KCTD8: variants seen among roughly 807,000 people sequenced by gnomAD.
KCTD8 encodes the protein potassium channel tetramerization domain containing 8.
In KCTD8, 27 loss-of-function variants were observed where a neutral mutation model predicts 31.5. The observed-to-expected ratio is 0.86, with a 90% CI of 0.63 to 1.18. The LOEUF (loss-of-function observed/expected upper bound fraction) is 1.18, where lower values mean the gene tolerates loss of function less well. Among genes scored for constraint, KCTD8 ranks in the 50% most tolerant of loss-of-function variants. The pLI is 0.00. For synonymous variants in KCTD8, 290 were observed against 280.0 expected (o/e 1.04, Z -0.36); for missense variants, 658 against 647.7 (o/e 1.02, Z -0.17).
rs113197675 is a variant in KCTD8, at chr4:44,295,441, C to T, written c.962-120191G>A. Reference sequence around the variant, plus strand: ...CTAAGACCCAAGAGAGCCCCTTTTTCAGGCTCTTTTATCTTGTCCTTATTT... The same window carrying T: ...CTAAGACCCAAGAGAGCCCCTTTTTTAGGCTCTTTTATCTTGTCCTTATTT... On this transcript the variant is annotated intron_variant, in intron 1 of 1. Transcript: ENST00000360029. Among the ~76,000 whole-genome samples the T allele has an allele frequency of 7.8e-3, 1,190 of 152,204 alleles. 15 individuals are homozygous for T. Among genetic ancestry groups the T allele is most frequent in the African/African-American group, 0.027 (1,109 of 41,516 alleles).
At chr4:44,215,645 T>G (rs1714626260) in intron 1 of KCTD8, among the ~76,000 whole-genome samples, 1 of 152,200 alleles carries the variant, frequency 6.6e-6, no homozygotes, top group Admixed American at 6.5e-5. Flanking sequence ...GAATTGATCA[T>G]GACTTTTAGC....
intron 1 of KCTD8, among the ~76,000 whole-genome samples, chr4:44,420,138 A>G (rs1342863437): frequency 1.3e-5 from 2 of 152,002 alleles, no homozygotes; most frequent in Non-Finnish European, 2.9e-5. Flanking sequence ...TAACAGATAA[A>G]TCATAAGAAA....
chr4:44,176,385 C>G (rs1713215304), intron 1 of KCTD8, among the ~76,000 whole-genome samples: 2 of 152,126 alleles, frequency 1.3e-5, no homozygotes, highest in Admixed American at 1.3e-4. Context: ...CCCAGACCTC[C>G]TGATTTAATG....
intron 1 of KCTD8, among the ~76,000 whole-genome samples, chr4:44,217,363 G>T (rs1255880383): frequency 6.6e-6 from 1 of 152,172 alleles, no homozygotes; most frequent in South Asian, 2.1e-4. Context: ...TGTGGAGACT[G>T]TCAAAGTGGT....
At chr4:44,422,175 C>G (rs1309258173) in intron 1 of KCTD8, among the ~76,000 whole-genome samples, 1 of 152,048 alleles carries the variant, frequency 6.6e-6, no homozygotes, top group African/African-American at 2.4e-5. Flanking sequence ...GGTTGCTTCT[C>G]AGACCCCTCT....
intron 1 of KCTD8, among the ~76,000 whole-genome samples, chr4:44,343,558 A>T (rs1266223889): frequency 6.6e-6 from 1 of 152,206 alleles, no homozygotes; most frequent in African/African-American, 2.4e-5. Flanking sequence ...TGGCTTGCTC[A>T]ACACAGGGTT....
rs1716033068 is a variant in KCTD8, at chr4:44,257,861, A to G, written c.962-82611T>C. Among the ~76,000 whole-genome samples the G allele has an allele frequency of 4.6e-5, 7 of 152,116 alleles. No homozygotes were observed. In the South Asian group the frequency reaches 1.2e-3, roughly 27 times the overall value. ...GCCCACTGTCAGGGCACAAGTCTTCATCCGTTGACTTGAATTCCCATTTTA... is the reference window on the plus strand; with the variant it reads ...GCCCACTGTCAGGGCACAAGTCTTCGTCCGTTGACTTGAATTCCCATTTTA... On this transcript the variant is annotated intron_variant, in intron 1 of 1. Transcript: ENST00000360029.
At position 44,380,724 on chromosome 4, in the gene KCTD8, T is replaced by C. The variant is rs532213396; in HGVS notation, c.961+66839A>G. On this transcript the variant is annotated intron_variant, in intron 1 of 1. Transcript: ENST00000360029. ...GTGAATAAAGAAAATATTTAGGGTG[T>C]ACATCAATTTGCTCTATCATGTTAT... is the stretch of plus-strand genomic sequence containing the variant. Among the ~76,000 whole-genome samples, 19 of 152,108 alleles carry C rather than the reference T, an allele frequency of 1.2e-4. No homozygotes were observed. The South Asian group carries it at 3.5e-3, about 28-fold the overall frequency.
chr4:44,309,952 A>G (rs1445101704), intron 1 of KCTD8, among the ~76,000 whole-genome samples: 1 of 152,116 alleles, frequency 6.6e-6, no homozygotes, highest in Non-Finnish European at 1.5e-5. Flanking sequence ...TTTGAAGGTA[A>G]TGTCGTCATA....
chr4:44,185,619 T>C (rs1713562624), intron 1 of KCTD8, among the ~76,000 whole-genome samples: 1 of 152,188 alleles, frequency 6.6e-6, no homozygotes, highest in Admixed American at 6.5e-5. Flanking sequence ...AATGCTGGCT[T>C]TTCTCTGGAC....
chr4:44,446,753 TTC>T (rs1313813673), intron 1 of KCTD8, among the ~76,000 whole-genome samples: 2 of 151,860 alleles, frequency 1.3e-5, no homozygotes, highest in Admixed American at 6.6e-5. Context: ...AACACAATCA[TTC>T]TCTCTTTCTC....
At chr4:44,338,047 A>G (rs1184040777) in intron 1 of KCTD8, among the ~76,000 whole-genome samples, 2 of 152,098 alleles carry the variant, frequency 1.3e-5, no homozygotes, top group African/African-American at 4.8e-5. Context: ...TTAATGAGAA[A>G]AAAATACATT....
intron 1 of KCTD8, among the ~76,000 whole-genome samples, chr4:44,187,525 C>A (rs1577818258): frequency 6.6e-6 from 1 of 152,224 alleles, no homozygotes; most frequent in African/African-American, 2.4e-5. Flanking sequence ...ATCTACCATT[C>A]TTTATCACTG....
chr4:44,446,138 T>G (rs1398602360), intron 1 of KCTD8, among the ~76,000 whole-genome samples: 11 of 152,200 alleles, frequency 7.2e-5, no homozygotes. Context: ...ACCTGTGTGC[T>G]GTGGTTTGTC....
chr4:44,203,828 A>T, intron 1 of KCTD8, among the ~76,000 whole-genome samples: 1 of 151,686 alleles, frequency 6.6e-6, no homozygotes, highest in South Asian at 2.1e-4. Flanking sequence ...AATAAATTTC[A>T]AATTAATAAT....
chr4:44,315,202 A>C (rs954185047), intron 1 of KCTD8, among the ~76,000 whole-genome samples: 1 of 151,934 alleles, frequency 6.6e-6, no homozygotes, highest in Non-Finnish European at 1.5e-5. Context: ...CTTTTTTTAA[A>C]GCTAGCACTT....
At chr4:44,380,288 T>A (rs1440709627) in intron 1 of KCTD8, among the ~76,000 whole-genome samples, 1 of 151,882 alleles carries the variant, frequency 6.6e-6, no homozygotes, top group East Asian at 1.9e-4. Flanking sequence ...AGATTCTACT[T>A]TCAGGTCACT....
intron 1 of KCTD8, among the ~76,000 whole-genome samples, chr4:44,316,172 C>T (rs1430228313): frequency 1.3e-5 from 2 of 151,830 alleles, no homozygotes; most frequent in African/African-American, 2.4e-5. Context: ...TTACTTATTG[C>T]TATTTTTTGA....
chr4:44,394,816 C>A (rs1323202906), intron 1 of KCTD8, among the ~76,000 whole-genome samples: 1 of 152,044 alleles, frequency 6.6e-6, no homozygotes, highest in Non-Finnish European at 1.5e-5. Flanking sequence ...CATGAATTTA[C>A]CAAAAAATAA....
Sources: gnomAD v4.1 joint callset for allele counts (sites outside exome capture counted in the v4.1 genomes callset) on GRCh38, gnomAD v4.1.1 for gene constraint, MANE v1.5 for transcripts, NCBI Gene and HGNC (gene_info 2026-07-23, HGNC 2026-07-21) for gene names.